PTPRO: variants seen among roughly 807,000 people sequenced by gnomAD.
The protein encoded by PTPRO is receptor-type tyrosine-protein phosphatase O.
Under a neutral mutation model 145.2 loss-of-function variants are expected in PTPRO, and 62 were observed. The ratio of observed to expected loss-of-function variants is 0.43; its 90% CI spans 0.35 to 0.53. The LOEUF (loss-of-function observed/expected upper bound fraction) is 0.53, where lower values mean the gene tolerates loss of function less well. PTPRO is among the 20% of genes least tolerant of loss of function. The pLI, the probability that PTPRO is intolerant of heterozygous loss-of-function variation, is 0.01. For missense variants in PTPRO, 1,345 were observed against 1,482.7 expected, an observed-to-expected ratio of 0.91 and a Z score of 1.53; for synonymous variants, 565 against 514.7, an observed-to-expected ratio of 1.10 and a Z score of -1.32.
chr12:15,520,125 T>C (rs541058912), intron 9 of PTPRO, 76 bp from the exon 10 acceptor site: 2 of 938,476 alleles, frequency 2.1e-6, no homozygotes, highest in South Asian at 1.4e-5. Context: ...ATTAATTTTT[T>C]ATGAAAGTAA....
At chr12:15,515,431 A>G in intron 7 of PTPRO, 67 bp from the exon 8 acceptor site, 2 of 1,586,740 alleles carry the variant, frequency 1.3e-6, no homozygotes, top group Non-Finnish European at 1.7e-6. Flanking sequence ...TGAATATTAT[A>G]CCAGCCTCTG....
At chr12:15,472,037 T>C (rs1591841502) in intron 1 of PTPRO, among the ~76,000 whole-genome samples, 1 of 152,218 alleles carries the variant, frequency 6.6e-6, no homozygotes, top group East Asian at 1.9e-4. Flanking sequence ...TGGCCATAAG[T>C]GCTATGTAAG....
intron 2 of PTPRO, among the ~76,000 whole-genome samples, chr12:15,493,225 C>G (rs572957371): frequency 6.6e-6 from 1 of 152,054 alleles, no homozygotes; most frequent in African/African-American, 2.4e-5. Context: ...ACCTGTCTAC[C>G]TAGAATTTTA....
At chr12:15,537,013 A>G (rs1242965434) in intron 12 of PTPRO, among the ~76,000 whole-genome samples, 2 of 152,202 alleles carry the variant, frequency 1.3e-5, no homozygotes, top group African/African-American at 2.4e-5. Context: ...TTGTCTATGA[A>G]TGAGTAAAAG....
At chr12:15,343,569 T>A (rs1867082579) in intron 1 of PTPRO, among the ~76,000 whole-genome samples, 1 of 152,100 alleles carries the variant, frequency 6.6e-6, no homozygotes, top group Non-Finnish European at 1.5e-5. Flanking sequence ...GCACCTGTAG[T>A]TCCAGCTACT....
intron 1 of PTPRO, among the ~76,000 whole-genome samples, chr12:15,361,184 TC>T (rs1231641554): frequency 6.6e-6 from 1 of 151,580 alleles, no homozygotes; most frequent in Non-Finnish European, 1.5e-5. Flanking sequence ...ACGTCTGTAA[TC>T]CCAGCACTTT....
chr12:15,516,680 G>T, intron 8 of PTPRO, 83 bp from the exon 9 acceptor site: 2 of 1,233,294 alleles, frequency 1.6e-6, no homozygotes, highest in East Asian at 2.3e-5. Flanking sequence ...TGAAAACTCG[G>T]GTCATTAAGT....
chr12:15,392,609 T>C (rs762050396), intron 1 of PTPRO, among the ~76,000 whole-genome samples: 3 of 150,152 alleles, frequency 2.0e-5, no homozygotes, highest in Non-Finnish European at 4.4e-5. Flanking sequence ...TAATCCCAGC[T>C]ACTTGGGAGG....
chr12:15,401,705 AT>A (rs527318723), intron 1 of PTPRO, among the ~76,000 whole-genome samples: 42 of 152,224 alleles, frequency 2.8e-4, no homozygotes, highest in Non-Finnish European at 5.1e-4. Context: ...GGTCAATTTC[AT>A]TAGACTGGCT....
intron 1 of PTPRO, among the ~76,000 whole-genome samples, chr12:15,385,286 A>G (rs1349038588): frequency 6.6e-6 from 1 of 152,140 alleles, no homozygotes; most frequent in Non-Finnish European, 1.5e-5. Flanking sequence ...AGCAGAGGAA[A>G]AGGCAAGAGC....
At chr12:15,536,101 C>G (rs1223175757) in intron 12 of PTPRO, among the ~76,000 whole-genome samples, 2 of 152,102 alleles carry the variant, frequency 1.3e-5, no homozygotes, top group Admixed American at 1.3e-4. Context: ...TTAGCATTTA[C>G]TATATGCCAC....
chr12:15,372,144 C>G (rs1938549608), intron 1 of PTPRO, among the ~76,000 whole-genome samples: 2 of 152,094 alleles, frequency 1.3e-5, no homozygotes, highest in African/African-American at 4.8e-5. Context: ...GTCAAGAATT[C>G]TTATATGTGT....
At chr12:15,384,043 C>A (rs557242968) in intron 1 of PTPRO, among the ~76,000 whole-genome samples, 1 of 152,162 alleles carries the variant, frequency 6.6e-6, no homozygotes, top group East Asian at 1.9e-4. Flanking sequence ...GTCTTATGAT[C>A]TCTATTTTAA....
At chr12:15,429,652 G>A (rs577847850) in intron 1 of PTPRO, among the ~76,000 whole-genome samples, 6 of 152,230 alleles carry the variant, frequency 3.9e-5, no homozygotes, top group African/African-American at 1.4e-4. Flanking sequence ...AAATAATGTA[G>A]AATCAAATGC....
intron 1 of PTPRO, chr12:15,348,334 A>G (rs1428153042): frequency 6.6e-6 from 1 of 152,274 alleles, no homozygotes; most frequent in Non-Finnish European, 1.5e-5. Flanking sequence ...GGAAGGTGAT[A>G]AGCCAAGGTA....
In PTPRO at chr12:15,458,533, A is replaced by G. The variant is rs1941231956; in HGVS notation, c.76-25441A>G. ...AAGTGAGCTTTTATCACTCTTTTTC[A>G]TTTTTTTCTTTTTGTTCCTCTAACT... On this transcript the variant is annotated intron_variant, in intron 1 of 26. Transcript: ENST00000281171. 2.0e-5 allele frequency among the ~76,000 whole-genome samples: 3 copies of G among 149,244 alleles called. No individual in the cohort carries two copies. The South Asian group carries it at 6.4e-4, about 32-fold the overall frequency.
intron 12 of PTPRO, among the ~76,000 whole-genome samples, chr12:15,536,297 G>A (rs962484370): frequency 2.0e-5 from 3 of 152,180 alleles, no homozygotes; most frequent in African/African-American, 7.2e-5. Flanking sequence ...TGCAATTTTT[G>A]TGAGGAGTAG....
At chr12:15,502,147 A>T (rs1942235143) in intron 5 of PTPRO, 84 bp downstream of exon 5, 1 of 1,332,772 alleles carries the variant, frequency 7.5e-7, no homozygotes. Context: ...GTTTAGAAAG[A>T]CTGATCATAG....
chr12:15,391,101 A>G lies in PTPRO; in HGVS notation c.75+68300A>G, dbSNP rs543694132. Among the ~76,000 whole-genome samples, 6 of 152,286 alleles carry G rather than the reference A, an allele frequency of 3.9e-5. No homozygotes were observed. In the East Asian group the frequency reaches 5.8e-4, roughly 15 times the overall value. On this transcript the variant is annotated intron_variant, in intron 1 of 26. Coordinates refer to ENST00000281171, the MANE Select transcript of PTPRO (RefSeq NM_030667.3). ...GTACCTTCTAAAGGCCCCAGTTCCA[A>G]TACCATTACATTGGGGGCTAGAGTT...
Sources: gnomAD v4.1 joint callset for allele counts (sites outside exome capture counted in the v4.1 genomes callset) on GRCh38, gnomAD v4.1.1 for gene constraint, MANE v1.5 for transcripts, NCBI Gene and HGNC (gene_info 2026-07-23, HGNC 2026-07-21) for gene names.